Variants in EYA1 observed in about 807,000 individuals in gnomAD.
EYA1 encodes protein phosphatase EYA1.
Under a neutral mutation model 82.0 loss-of-function variants are expected in EYA1, and 16 were observed. That is an observed-to-expected ratio of 0.20 (90% CI 0.13 to 0.30). The LOEUF (loss-of-function observed/expected upper bound fraction) is 0.30, where lower values mean the gene tolerates loss of function less well. Among genes scored for constraint, EYA1 ranks in the 10% least tolerant of loss-of-function variants. The pLI is 1.00. For missense variants in EYA1, 633 were observed against 730.7 expected (o/e 0.87, Z 1.54); for synonymous variants, 261 against 264.4 (o/e 0.99, Z 0.12).
chr8:71,426,566 C>T (rs1805248183), intron 2 of EYA1, among the ~76,000 whole-genome samples: 1 of 152,204 alleles, frequency 6.6e-6, no homozygotes, highest in African/African-American at 2.4e-5. Flanking sequence ...TGGGAGCATT[C>T]GTGGTTTGCC....
chr8:71,373,444 C>T (rs190802778), intron 2 of EYA1, among the ~76,000 whole-genome samples: 10 of 151,908 alleles, frequency 6.6e-5, no homozygotes, highest in Admixed American at 2.6e-4. Context: ...GTAAAAGATC[C>T]GTACATTGAA....
At position 71,526,306 on chromosome 8, in the gene EYA1, CT is replaced by C. The variant is rs200457220; in HGVS notation, c.33+9437del. On this transcript the variant is annotated intron_variant, in intron 2 of 18. Coordinates refer to the EYA1 transcript ENST00000643681. ...TTAGTTATACATAGTATATATGCTA[CT>C]TAATATAATTAATTATATTCATGAT... Among the ~76,000 whole-genome samples the C allele has an allele frequency of 7.7e-3, 1,166 of 151,328 alleles. 8 individuals carry two copies. The highest frequency in any genetic ancestry group is 0.012 in the South Asian group (59 of 4,808).
chr8:71,299,244 A>G lies in EYA1; in HGVS notation c.640-11T>C, dbSNP rs1428655067. The G allele has an allele frequency of 6.2e-7, 1 of 1,613,390 alleles. No individual in the cohort carries two copies. Among genetic ancestry groups the G allele is most frequent in the African/African-American group, 1.3e-5 (1 of 74,908 alleles). ...ATAAGACGGATAGTCCTACCAAATC[A>G]AACCACACAAGAATTGTCTGTCAAA... On this transcript the variant is annotated splice_polypyrimidine_tract_variant and intron_variant, in intron 8 of 17. Transcript: ENST00000340726.
chr8:71,499,469 T>C (rs1423147936), intron 2 of EYA1, among the ~76,000 whole-genome samples: 1 of 152,148 alleles, frequency 6.6e-6, no homozygotes, highest in East Asian at 1.9e-4. Flanking sequence ...AGTTACTAGA[T>C]GACGGAGCTA....
intron 2 of EYA1, among the ~76,000 whole-genome samples, chr8:71,491,153 T>C (rs1474932221): frequency 6.6e-6 from 1 of 152,222 alleles, no homozygotes; most frequent in African/African-American, 2.4e-5. Context: ...TGCAAGGCCA[T>C]ATGGCTAATC....
intron 11 of EYA1, among the ~76,000 whole-genome samples, chr8:71,245,641 T>C (rs1308956543): frequency 2.6e-5 from 4 of 152,138 alleles, no homozygotes; most frequent in Non-Finnish European, 5.9e-5. Flanking sequence ...GTCAAAAGAT[T>C]GGACAGCCCT....
At chr8:71,333,360 T>C (rs1200308546) in intron 4 of EYA1, among the ~76,000 whole-genome samples, 3 of 152,208 alleles carry the variant, frequency 2.0e-5, no homozygotes, top group Non-Finnish European at 2.9e-5. Flanking sequence ...TATGGAATTA[T>C]AGCATTTCCA....
Position 71,279,745 on chromosome 8 carries a change from T to C in EYA1, c.827-7848A>G, listed in dbSNP as rs370081200. On this transcript the variant is annotated intron_variant, in intron 9 of 17. Transcript: ENST00000340726. ...GCTGCACTGTGAAAGTCAAAGGCAC[T>C]GAAACTAACCCATTGGACGGTGTTG... 2.0e-3 allele frequency among the ~76,000 whole-genome samples: 305 copies of C among 152,320 alleles called. 9 individuals carry two copies. The South Asian group carries it at 0.06, about 30-fold the overall frequency.
At chr8:71,331,630 G>A (rs1055540041) in intron 4 of EYA1, among the ~76,000 whole-genome samples, 13 of 151,824 alleles carry the variant, frequency 8.6e-5, no homozygotes, top group African/African-American at 2.9e-4. Context: ...GCCCATATAT[G>A]TACATACAGA....
At chr8:71,243,102 A>T (rs961832785) in intron 12 of EYA1, among the ~76,000 whole-genome samples, 1 of 152,152 alleles carries the variant, frequency 6.6e-6, no homozygotes. Flanking sequence ...TTAAGAAGGT[A>T]CAGAGTTTTA....
chr8:71,361,954 G>C lies in EYA1; in HGVS notation c.-362C>G. 9.1e-6 allele frequency: 9 copies of C among 985,436 alleles called. No individual in the cohort carries two copies. The highest frequency in any genetic ancestry group is 1.1e-5 in the Non-Finnish European group (9 of 829,970). 61.0% of individuals were successfully genotyped at this position (985,436 alleles called of 1,614,324 possible). A position where few individuals can be genotyped will look rare whatever the true frequency, so the allele number is the denominator to read the frequency against. On this transcript the variant is annotated 5_prime_UTR_variant, in exon 1 of 18. Coordinates refer to ENST00000340726, the MANE Select transcript of EYA1 (RefSeq NM_000503.6). ...AGGCTTAAAGTCGGAAGTGGCACTG[G>C]AGAGTTTCTACCTCGCCCCAAACTC...
At chr8:71,337,801 T>G (rs953171585) in intron 3 of EYA1, among the ~76,000 whole-genome samples, 14 of 152,240 alleles carry the variant, frequency 9.2e-5, no homozygotes, top group Non-Finnish European at 1.8e-4. Flanking sequence ...TCCTTTCTCC[T>G]GTGGAGTAAT....
chr8:71,515,663 T>C (rs1408359419), intron 2 of EYA1, among the ~76,000 whole-genome samples: 1 of 152,146 alleles, frequency 6.6e-6, no homozygotes, highest in Non-Finnish European at 1.5e-5. Context: ...GCATTCCTCT[T>C]ACTTTGAAGA....
intron 2 of EYA1, among the ~76,000 whole-genome samples, chr8:71,462,275 C>G (rs1808416871): frequency 6.6e-6 from 1 of 152,144 alleles, no homozygotes; most frequent in Non-Finnish European, 1.5e-5. Context: ...TTATCAGTGC[C>G]CAATGTCAGG....
intron 2 of EYA1, among the ~76,000 whole-genome samples, chr8:71,426,058 A>G (rs1381332671): frequency 6.6e-6 from 1 of 152,208 alleles, no homozygotes; most frequent in Admixed American, 6.5e-5. Flanking sequence ...ATATAATATC[A>G]TCCATTCTGG....
chr8:71,204,892 G>A (rs778670283), intron 17 of EYA1, among the ~76,000 whole-genome samples: 7 of 152,102 alleles, frequency 4.6e-5, no homozygotes, highest in Non-Finnish European at 1.0e-4. Context: ...TAAGGATGAC[G>A]ATGAAATCCA....
intron 1 of EYA1, chr8:71,356,853 G>GAA (rs1210535271): frequency 2.5e-6 from 1 of 395,378 alleles, no homozygotes; most frequent in African/African-American, 2.2e-5. Context: ...AAGGTGCTTG[G>GAA]AAAAAAATAG....
chr8:71,509,406 T>C (rs1326670226), intron 2 of EYA1, among the ~76,000 whole-genome samples: 1 of 152,232 alleles, frequency 6.6e-6, no homozygotes, highest in Non-Finnish European at 1.5e-5. Context: ...TTTTAGGAAC[T>C]ACTTTCACAG....
At chr8:71,249,745 C>T (rs566179269) in intron 11 of EYA1, among the ~76,000 whole-genome samples, 8 of 152,304 alleles carry the variant, frequency 5.3e-5, no homozygotes, top group South Asian at 2.1e-4. Context: ...TCCCCTCTAT[C>T]AGATCTTAGA....
Sources: gnomAD v4.1 joint callset for allele counts (sites outside exome capture counted in the v4.1 genomes callset) on GRCh38, gnomAD v4.1.1 for gene constraint, MANE v1.5 for transcripts, NCBI Gene and HGNC (gene_info 2026-07-23, HGNC 2026-07-21) for gene names.